STRBP: variants seen among roughly 807,000 people sequenced by gnomAD.
STRBP encodes spermatid perinuclear RNA binding protein.
Under a neutral mutation model 80.1 loss-of-function variants are expected in STRBP, and 13 were observed. That is an observed-to-expected ratio of 0.16 (90% CI 0.11 to 0.26). STRBP has a LOEUF of 0.26. Among genes scored for constraint, STRBP ranks in the 10% least tolerant of loss-of-function variants. STRBP has a pLI of 1.00. For synonymous variants in STRBP, 284 were observed against 291.2 expected (o/e 0.98, Z 0.25); for missense variants, 485 against 815.2 (o/e 0.59, Z 4.93).
At chr9:123,188,558 C>T (rs1003427909) in intron 2 of STRBP, among the ~76,000 whole-genome samples, 9 of 152,090 alleles carry the variant, frequency 5.9e-5, no homozygotes, top group Non-Finnish European at 1.2e-4. Flanking sequence ...AGGAGAATGG[C>T]GTGAACCCAG....
intron 3 of STRBP, 70 bp from the exon 4 acceptor site, chr9:123,179,297 T>G (rs1230763302): frequency 5.1e-6 from 7 of 1,359,696 alleles, no homozygotes. Context: ...GATATACAAC[T>G]ATATCTTTAG....
intron 2 of STRBP, among the ~76,000 whole-genome samples, chr9:123,221,136 T>C (rs2040054280): frequency 6.6e-6 from 1 of 152,168 alleles, no homozygotes; most frequent in Non-Finnish European, 1.5e-5. Context: ...CCTGCCTGTG[T>C]TTCAGGTCAT....
chr9:123,135,922 C>T, intron 16 of STRBP, 119 bp downstream of exon 16: 1 of 1,350,312 alleles, frequency 7.4e-7, no homozygotes, highest in East Asian at 2.3e-5. Flanking sequence ...CAAAGGTCAC[C>T]AAGTCCAAGA....
At chr9:123,146,104 A>G (rs538944172) in intron 13 of STRBP, among the ~76,000 whole-genome samples, 1 of 152,176 alleles carries the variant, frequency 6.6e-6, no homozygotes, top group East Asian at 1.9e-4. Flanking sequence ...ATTATATCGT[A>G]TGCCATACTG....
downstream of STRBP, among the ~76,000 whole-genome samples, chr9:123,117,983 C>A (rs1378176741): frequency 6.6e-6 from 1 of 152,156 alleles, no homozygotes; most frequent in Non-Finnish European, 1.5e-5. Context: ...TGAAAAGAGC[C>A]CTATTTTAGG....
chr9:123,148,134 A>G (rs2036899159), intron 11 of STRBP, among the ~76,000 whole-genome samples: 1 of 152,136 alleles, frequency 6.6e-6, no homozygotes, highest in Non-Finnish European at 1.5e-5. Context: ...TGTCTATGAT[A>G]TGGTCTGAAT....
In STRBP at chr9:123,115,594, C is replaced by A. The variant is rs950344396; in HGVS notation, c.*84+335G>T. On this transcript the variant is annotated intron_variant and NMD_transcript_variant, in intron 3 of 3. Coordinates refer to the STRBP transcript ENST00000471564. The surrounding 1 kb of genome is among the most constrained non-coding windows in gnomAD (Gnocchi z 5.0). ...CTGCTCCTTCTCCCCCATCACAGAGCCTGGTAAGAAGCAGTAGGTGACAGT... is the reference window on the plus strand; with the variant it reads ...CTGCTCCTTCTCCCCCATCACAGAGACTGGTAAGAAGCAGTAGGTGACAGT... 8.6e-6 allele frequency: 3 copies of A among 349,490 alleles called. No homozygotes were observed. The Middle Eastern group carries it at 2.0e-3, about 238-fold the overall frequency. The allele number at this position is 349,490 out of a possible 1,614,324, so 21.6% of individuals were successfully genotyped here. A position where few individuals can be genotyped will look rare whatever the true frequency, so the allele number is the denominator to read the frequency against.
intron 2 of STRBP, among the ~76,000 whole-genome samples, chr9:123,234,082 T>G (rs1480637758): frequency 6.6e-6 from 1 of 151,246 alleles, no homozygotes; most frequent in Non-Finnish European, 1.5e-5. Context: ...GCGCCTGTAG[T>G]CCCAGCTACT....
At chr9:123,140,638 A>G (rs929420896) in intron 13 of STRBP, among the ~76,000 whole-genome samples, 2 of 152,096 alleles carry the variant, frequency 1.3e-5, no homozygotes, top group African/African-American at 4.8e-5. Flanking sequence ...AAAAAAAACA[A>G]GATTCAGTCT....
chr9:123,131,818 G>C (rs2036149957), intron 17 of STRBP, among the ~76,000 whole-genome samples: 1 of 152,166 alleles, frequency 6.6e-6, no homozygotes, highest in Admixed American at 6.5e-5. Context: ...TCTTCTAGAA[G>C]AATCATTCCA....
intron 1 of STRBP, among the ~76,000 whole-genome samples, chr9:123,248,824 T>A (rs1007497409): frequency 6.6e-6 from 1 of 152,216 alleles, no homozygotes; most frequent in Non-Finnish European, 1.5e-5. Context: ...AGAACTTGCA[T>A]TAGTCATCTT....
chr9:123,266,594 T>C (rs1352635755), intron 1 of STRBP, among the ~76,000 whole-genome samples: 3 of 151,866 alleles, frequency 2.0e-5, no homozygotes, highest in Non-Finnish European at 4.4e-5. Context: ...TTCCAATCTC[T>C]CCCCATACTT....
In STRBP at chr9:123,143,042, G is replaced by A. The variant is rs117616967; in HGVS notation, c.1339-3355C>T. Among the ~76,000 whole-genome samples, 125 of 152,196 alleles carry A rather than the reference G, an allele frequency of 8.2e-4. No homozygotes were observed. The East Asian group carries it at 0.019, about 23-fold the overall frequency. ...AAGATGATACCCTCGAATACTAGGG[G>A]CCAAGAATGAAAAGAAAACATGGCT... On this transcript the variant is annotated intron_variant, in intron 13 of 18. Coordinates refer to ENST00000348403, the MANE Select transcript of STRBP (RefSeq NM_018387.5).
intron 16 of STRBP, among the ~76,000 whole-genome samples, chr9:123,135,212 T>C (rs2036301525): frequency 6.6e-6 from 1 of 152,210 alleles, no homozygotes; most frequent in South Asian, 2.1e-4. Context: ...CCTCCTACAA[T>C]GGACATAGCA....
At chr9:123,194,627 CT>C (rs2039033197) in intron 2 of STRBP, among the ~76,000 whole-genome samples, 1 of 152,164 alleles carries the variant, frequency 6.6e-6, no homozygotes, top group Non-Finnish European at 1.5e-5. Flanking sequence ...CTTCCATTCT[CT>C]CTTAAAACCA....
chr9:123,130,443 C>G (rs533663416), intron 17 of STRBP, among the ~76,000 whole-genome samples: 1 of 152,082 alleles, frequency 6.6e-6, no homozygotes, highest in South Asian at 2.1e-4. Flanking sequence ...AGCCTGGCAA[C>G]GAGTGGCCAT....
chr9:123,252,689 T>C (rs1041435154), intron 1 of STRBP, among the ~76,000 whole-genome samples: 3 of 152,202 alleles, frequency 2.0e-5, no homozygotes, highest in African/African-American at 7.2e-5. Flanking sequence ...CTCAAGACAT[T>C]TGTAGATGGC....
chr9:123,122,350 A>G lies in STRBP; in HGVS notation c.*3247T>C. On this transcript the variant is annotated 3_prime_UTR_variant, in exon 19 of 19. Coordinates refer to ENST00000348403, the MANE Select transcript of STRBP (RefSeq NM_018387.5). ...ACCTGAAATACACAGAGGGTCCAAC[A>G]CCAGTTTTAAAAATACATTAACGAG... 1 of 1,288,130 alleles carries G rather than the reference A, an allele frequency of 7.8e-7. No homozygotes were observed. The highest frequency in any genetic ancestry group is 1.0e-6 in the Non-Finnish European group (1 of 988,458). The allele number at this position is 1,288,130 out of a possible 1,614,324, so 79.8% of individuals were successfully genotyped here. A position where few individuals can be genotyped will look rare whatever the true frequency, so the allele number is the denominator to read the frequency against.
At chr9:123,196,195 C>T (rs545115422) in intron 2 of STRBP, among the ~76,000 whole-genome samples, 15 of 152,156 alleles carry the variant, frequency 9.9e-5, no homozygotes, top group Admixed American at 2.6e-4. Context: ...AAATTAGACC[C>T]CTATCTTTCA....
Sources: allele counts gnomAD v4.1 joint callset (sites outside exome capture counted in the v4.1 genomes callset), GRCh38; gene constraint gnomAD v4.1.1; non-coding constraint Gnocchi (gnomAD v3.1); transcripts MANE v1.5; gene names NCBI Gene and HGNC (gene_info 2026-07-23, HGNC 2026-07-21).